C10orf90: variants seen among roughly 807,000 people sequenced by gnomAD.
The protein encoded by C10orf90 is (E2-independent) E3 ubiquitin-conjugating enzyme FATS.
C10orf90 carries 56 observed loss-of-function variants against 62.5 expected under a neutral mutation model. That is an observed-to-expected ratio of 0.90 (90% CI 0.72 to 1.12). The LOEUF (loss-of-function observed/expected upper bound fraction) is 1.12. C10orf90 is among the 50% of genes most tolerant of loss of function. The pLI is 0.00. For missense variants in C10orf90, 970 were observed against 880.4 expected, an observed-to-expected ratio of 1.10 and a Z score of -1.29; for synonymous variants, 386 against 340.4, an observed-to-expected ratio of 1.13 and a Z score of -1.47.
intron 2 of C10orf90, among the ~76,000 whole-genome samples, chr10:126,565,210 AT>A (rs1844328875): frequency 1.7e-5 from 1 of 60,528 alleles, no homozygotes; most frequent in East Asian, 6.2e-4. Context: ...ATATTATGTA[AT>A]ATAATTTTTA....
intron 7 of C10orf90, among the ~76,000 whole-genome samples, chr10:126,434,545 C>A (rs1363305640): frequency 6.6e-6 from 1 of 152,168 alleles, no homozygotes; most frequent in Middle Eastern, 3.2e-3. Flanking sequence ...ACATTTGCTT[C>A]CCCTATCTTA....
intron 2 of C10orf90, among the ~76,000 whole-genome samples, chr10:126,611,263 G>A (rs919045016): frequency 2.6e-5 from 4 of 152,044 alleles, no homozygotes; most frequent in Admixed American, 6.6e-5. Context: ...CCCTAGTGTC[G>A]GACTTCTTTC....
At chr10:126,551,045 T>C (rs1564868085) in intron 2 of C10orf90, among the ~76,000 whole-genome samples, 2 of 152,198 alleles carry the variant, frequency 1.3e-5, no homozygotes, top group East Asian at 1.9e-4. Flanking sequence ...TTACATTAAA[T>C]GTAAATGTTC....
intron 4 of C10orf90, among the ~76,000 whole-genome samples, 187 bp downstream of exon 4, chr10:126,503,770 C>A (rs1235130511): frequency 6.6e-6 from 1 of 152,132 alleles, no homozygotes; most frequent in Non-Finnish European, 1.5e-5. Flanking sequence ...AAAGTCTCAA[C>A]TAAAAAAATC....
At chr10:126,437,065 C>A (rs1393535782) in intron 7 of C10orf90, among the ~76,000 whole-genome samples, 2 of 152,162 alleles carry the variant, frequency 1.3e-5, no homozygotes, top group Non-Finnish European at 2.9e-5. Context: ...ACCTATCCCC[C>A]AAATTCATGT....
chr10:126,615,717 T>A (rs1845527683), intron 2 of C10orf90, among the ~76,000 whole-genome samples: 1 of 152,138 alleles, frequency 6.6e-6, no homozygotes, highest in African/African-American at 2.4e-5. Flanking sequence ...TCTACCTGAC[T>A]AGGAGGGATA....
rs576359749 is a variant in C10orf90 at position 126,641,616 on chromosome 10, C to T, written c.313+4949G>A. On this transcript the variant is annotated intron_variant, in intron 2 of 9. Coordinates refer to ENST00000488181, the MANE Select transcript of C10orf90 (RefSeq NM_001350921.2). ...AACTAGACACCTGACTTCCAATCGC[C>T]CTCAATCCATAGACCAAGCAGTCTC... 5.3e-5 allele frequency among the ~76,000 whole-genome samples: 8 copies of T among 152,062 alleles called. No individual in the cohort carries two copies. In the East Asian group the frequency reaches 9.8e-4, roughly 19 times the overall value.
intron 2 of C10orf90, among the ~76,000 whole-genome samples, chr10:126,566,904 A>G (rs1046331745): frequency 6.6e-6 from 1 of 152,052 alleles, no homozygotes; most frequent in African/African-American, 2.4e-5. Flanking sequence ...TGACCTCTAG[A>G]TTTCCTACTG....
At chr10:126,638,329 C>A (rs1477663790) in intron 2 of C10orf90, among the ~76,000 whole-genome samples, 1 of 152,096 alleles carries the variant, frequency 6.6e-6, no homozygotes, top group African/African-American at 2.4e-5. Context: ...TGTATCCCCA[C>A]CCTACATTCC....
chr10:126,507,694 C>A (rs75634367), intron 3 of C10orf90, among the ~76,000 whole-genome samples: 2,061 of 152,148 alleles, frequency 0.014, 33 homozygotes, highest in African/African-American at 0.047. Context: ...CATCAGTCAC[C>A]TGGGAACTCA....
At chr10:126,495,512 T>C (rs754851283) in intron 4 of C10orf90, among the ~76,000 whole-genome samples, 13 of 152,212 alleles carry the variant, frequency 8.5e-5, no homozygotes, top group Non-Finnish European at 1.5e-4. Flanking sequence ...AAAGAACATC[T>C]GATAGCAGTA....
At chr10:126,623,061 G>A (rs577911576) in intron 2 of C10orf90, among the ~76,000 whole-genome samples, 4 of 152,278 alleles carry the variant, frequency 2.6e-5, no homozygotes, top group African/African-American at 9.6e-5. Flanking sequence ...CAAGACCTCG[G>A]GCCCCGACCC....
chr10:126,505,073 AT>A lies in C10orf90; in HGVS notation c.417del (p.Ser140HisfsTer6), dbSNP rs982544011. ...GATGAAATCATTTTTGTGTTTTGTGATGCCAGGGTCTCCTGCAAATAGAAAA... is the reference window on the plus strand; with the variant it reads ...GATGAAATCATTTTTGTGTTTTGTGAGCCAGGGTCTCCTGCAAATAGAAAA... The part of the protein sequence containing the change: ...AKSDFTKETL[A>X]SQNTKMISSI... On this transcript the variant is annotated frameshift_variant, in exon 4 of 10. Coordinates refer to ENST00000488181, the MANE Select transcript of C10orf90 (RefSeq NM_001350921.2). LOFTEE classifies it high-confidence loss of function. The A allele has an allele frequency of 6.2e-7, 1 of 1,606,610 alleles. No individual in the cohort carries two copies. The highest frequency in any genetic ancestry group is 8.5e-7 in the Non-Finnish European group (1 of 1,175,264).
intron 2 of C10orf90, among the ~76,000 whole-genome samples, chr10:126,591,863 A>C (rs1010262526): frequency 6.6e-6 from 1 of 152,176 alleles, no homozygotes; most frequent in Non-Finnish European, 1.5e-5. Context: ...CAGGATACAA[A>C]ATAAATGTGC....
intron 4 of C10orf90, among the ~76,000 whole-genome samples, chr10:126,493,810 G>C (rs1861891028): frequency 6.6e-6 from 1 of 152,230 alleles, no homozygotes; most frequent in Non-Finnish European, 1.5e-5. Flanking sequence ...CAACAGCCAT[G>C]GTAGGCTTTG....
chr10:126,565,189 ATTTATATTACATATTATGTAATATAATTT>A (rs1844326431), intron 2 of C10orf90, among the ~76,000 whole-genome samples: 34 of 27,188 alleles, frequency 1.3e-3, no homozygotes, highest in Admixed American at 3.4e-3. Context: ...GTAATATAAT[ATTTATATTACATATTATGTAATATAATTT>A]TTATATTACA....
At chr10:126,573,768 C>A (rs1426013242) in intron 2 of C10orf90, among the ~76,000 whole-genome samples, 2 of 152,174 alleles carry the variant, frequency 1.3e-5, no homozygotes, top group East Asian at 1.9e-4. Context: ...CAGTACCCAA[C>A]ACAAAGTCTG....
At chr10:126,475,397 C>G (rs1860804213) in intron 4 of C10orf90, among the ~76,000 whole-genome samples, 2 of 152,186 alleles carry the variant, frequency 1.3e-5, no homozygotes, top group Non-Finnish European at 2.9e-5. Flanking sequence ...TGTTCCTAAT[C>G]TTGACTTTCC....
chr10:126,628,255 C>G (rs1314063305), intron 2 of C10orf90, among the ~76,000 whole-genome samples: 1 of 152,108 alleles, frequency 6.6e-6, no homozygotes, highest in African/African-American at 2.4e-5. Flanking sequence ...CTCCAAATGT[C>G]CATTTGCTAT....
Sources: gnomAD v4.1 joint callset for allele counts (sites outside exome capture counted in the v4.1 genomes callset) on GRCh38, gnomAD v4.1.1 for gene constraint, MANE v1.5 for transcripts, NCBI Gene and HGNC (gene_info 2026-07-23, HGNC 2026-07-21) for gene names.